GPT2: variants seen among roughly 807,000 people sequenced by gnomAD.
GPT2 encodes glutamic--pyruvic transaminase 2.
In GPT2, 30 loss-of-function variants were observed where a neutral mutation model predicts 56.9. The observed-to-expected ratio is 0.53, with a 90% confidence interval of 0.39 to 0.72. The LOEUF is 0.72. GPT2 is among the 30% of genes least tolerant of loss of function. GPT2 has a pLI of 0.00. For synonymous variants in GPT2, 271 were observed against 283.1 expected, an observed-to-expected ratio of 0.96 and a Z score of 0.43; for missense variants, 542 against 703.4, an observed-to-expected ratio of 0.77 and a Z score of 2.60.
At chr16:46,894,667 A>G (rs1960648569) in intron 2 of GPT2, among the ~76,000 whole-genome samples, 1 of 150,768 alleles carries the variant, frequency 6.6e-6, no homozygotes. Flanking sequence ...GCCACTGGGA[A>G]TCTTTTTTTT....
chr16:46,918,721 C>T lies in GPT2; in HGVS notation c.1001C>T (p.Ala334Val), dbSNP rs2143528820. ...GPEYSSNVEL[A>V]SFHSTSKGYM... ...GAGTACTCCAGCAACGTGGAGCTCG[C>T]CTCCTTCCACTCCACCTCCAAGGGC... The change falls in exon 8 of 12, where the codon GCC becomes GTC. Residue 334 changes from alanine (A) to valine (V), a missense_variant. Transcript: ENST00000340124. 1.9e-6 allele frequency: 3 copies of T among 1,614,204 alleles called. No individual in the cohort carries two copies. The highest frequency in any genetic ancestry group is 1.1e-5 in the South Asian group (1 of 91,082).
chr16:46,924,246 G>A (rs756158523), intron 9 of GPT2, 143 bp from the exon 10 acceptor site: 20 of 869,276 alleles, frequency 2.3e-5, no homozygotes, highest in African/African-American at 3.3e-5. Context: ...CTGAGTCAAC[G>A]CATGGGTCAG....
intron 9 of GPT2, chr16:46,924,182 C>T (rs1961352426): frequency 1.5e-6 from 1 of 647,412 alleles, no homozygotes; most frequent in South Asian, 1.6e-5. Flanking sequence ...CAGACCACCC[C>T]ACCCACTCCG....
At chr16:46,896,595 AC>A (rs1490875723) in intron 2 of GPT2, among the ~76,000 whole-genome samples, 3 of 152,044 alleles carry the variant, frequency 2.0e-5, no homozygotes, top group Non-Finnish European at 2.9e-5. Context: ...AGTCATTTAG[AC>A]CATTGCGGTA....
chr16:46,903,906 A>G (rs1216234969), intron 4 of GPT2, among the ~76,000 whole-genome samples: 2 of 152,250 alleles, frequency 1.3e-5, no homozygotes, highest in African/African-American at 4.8e-5. Context: ...CTGCAGGATT[A>G]TAACGAGGGG....
chr16:46,927,361 C>T (rs565064382), intron 11 of GPT2, among the ~76,000 whole-genome samples: 3 of 152,236 alleles, frequency 2.0e-5, no homozygotes, highest in Admixed American at 6.5e-5. Context: ...GTTTTCAACT[C>T]TGCGATGGCA....
chr16:46,908,932 T>C (rs902809956), intron 5 of GPT2, among the ~76,000 whole-genome samples: 2 of 152,218 alleles, frequency 1.3e-5, no homozygotes, highest in African/African-American at 4.8e-5. Context: ...GAGGGTTTTG[T>C]CTAATTAATT....
chr16:46,912,714 A>G (rs1961068739), intron 6 of GPT2, among the ~76,000 whole-genome samples: 2 of 152,312 alleles, frequency 1.3e-5, no homozygotes, highest in South Asian at 2.1e-4. Flanking sequence ...GAGCACGCAC[A>G]TCGCATGGCA....
At chr16:46,918,486 C>A in intron 7 of GPT2, 135 bp from the exon 8 acceptor site, 1 of 983,260 alleles carries the variant, frequency 1.0e-6, no homozygotes, top group Non-Finnish European at 1.5e-6. Context: ...CTTGGCTCAT[C>A]CCTGGAATGG....
At chr16:46,916,514 T>C in intron 6 of GPT2, 114 bp from the exon 7 acceptor site, 2 of 800,560 alleles carry the variant, frequency 2.5e-6, no homozygotes, top group African/African-American at 1.7e-5. Context: ...GGGAGGGTGT[T>C]CTATGGGTCT....
At chr16:46,902,040 A>C (rs536113257) in intron 4 of GPT2, among the ~76,000 whole-genome samples, 3 of 152,174 alleles carry the variant, frequency 2.0e-5, no homozygotes, top group Non-Finnish European at 2.9e-5. Flanking sequence ...GAAGCCCCCA[A>C]CTGAGAGGCA....
chr16:46,917,698 G>A (rs556718316), intron 7 of GPT2, among the ~76,000 whole-genome samples: 7 of 151,446 alleles, frequency 4.6e-5, no homozygotes, highest in Non-Finnish European at 8.8e-5. Flanking sequence ...ACACACACAC[G>A]CATACACACA....
At chr16:46,890,453 G>A (rs893773280) in intron 2 of GPT2, among the ~76,000 whole-genome samples, 1 of 152,098 alleles carries the variant, frequency 6.6e-6, no homozygotes, top group South Asian at 2.1e-4. Context: ...GGAGGGTGGC[G>A]GTCTCATCTG....
intron 2 of GPT2, among the ~76,000 whole-genome samples, chr16:46,897,064 CA>C (rs1296423663): frequency 6.6e-6 from 1 of 152,078 alleles, no homozygotes; most frequent in Non-Finnish European, 1.5e-5. Flanking sequence ...CCTGTCTCTA[CA>C]AAATAGTAAC....
intron 6 of GPT2, among the ~76,000 whole-genome samples, chr16:46,911,007 C>A (rs1364176205): frequency 6.6e-6 from 1 of 152,122 alleles, no homozygotes; most frequent in Non-Finnish European, 1.5e-5. Flanking sequence ...TCATAGGCCT[C>A]ATTTTACCGT....
At chr16:46,894,238 G>T (rs1160273385) in intron 2 of GPT2, among the ~76,000 whole-genome samples, 1 of 152,224 alleles carries the variant, frequency 6.6e-6, no homozygotes, top group Non-Finnish European at 1.5e-5. Context: ...AACATTCAGG[G>T]CTCTGTTCCA....
At chr16:46,922,662 C>T in intron 9 of GPT2, among the ~76,000 whole-genome samples, 1 of 152,160 alleles carries the variant, frequency 6.6e-6, no homozygotes, top group Admixed American at 6.5e-5. Flanking sequence ...TCCTCTTCCT[C>T]ATGGCGAGTG....
intron 2 of GPT2, among the ~76,000 whole-genome samples, chr16:46,893,421 G>T (rs1389319474): frequency 6.6e-6 from 1 of 152,202 alleles, no homozygotes; most frequent in Non-Finnish European, 1.5e-5. Context: ...TTGAATCACC[G>T]TGCCTGACCC....
chr16:46,895,313 T>C (rs1960665315), intron 2 of GPT2, among the ~76,000 whole-genome samples: 1 of 152,054 alleles, frequency 6.6e-6, no homozygotes, highest in Admixed American at 6.6e-5. Context: ...TCATTTGTGC[T>C]CAGGAGTTCA....
Sources: gnomAD v4.1 joint callset for allele counts (sites outside exome capture counted in the v4.1 genomes callset) on GRCh38, gnomAD v4.1.1 for gene constraint, MANE v1.5 for transcripts, NCBI Gene and HGNC (gene_info 2026-07-23, HGNC 2026-07-21) for gene names.